The following IFI44L variants were observed in gnomAD, a reference collection of about 807,000 sequenced individuals.
The protein encoded by IFI44L is interferon induced protein 44 like.
A neutral mutation model predicts 39.3 loss-of-function variants in IFI44L; 40 were observed. That is an observed-to-expected ratio of 1.02 (90% confidence interval 0.79 to 1.33). The LOEUF is 1.33. IFI44L is among the 40% of genes most tolerant of loss of function. The pLI, the probability that IFI44L is intolerant of heterozygous loss-of-function variation, is 0.00. For synonymous variants in IFI44L, 198 were observed against 182.3 expected, an observed-to-expected ratio of 1.09 and a Z score of -0.69; for missense variants, 623 against 549.0, an observed-to-expected ratio of 1.13 and a Z score of -1.35.
Position 78,627,887 on chromosome 1 carries a change from A to ATAATTGTT in IFI44L, c.-10-17_-10-10dup, listed in dbSNP as rs1437096401. The ATAATTGTT allele has an allele frequency of 7.1e-7, 1 of 1,399,812 alleles. No homozygotes were observed. The highest frequency in any genetic ancestry group is 1.5e-5 in the African/African-American group (1 of 68,944). The allele number at this position is 1,399,812 out of a possible 1,614,324, so 86.7% of individuals were successfully genotyped here. ...CTATATTATATAAGCTTCTCAACCT[A>ATAATTGTT]TAATTGTTTTTCCATTAGATATAGA... On this transcript the variant is annotated intron_variant, in intron 1 of 8. Coordinates refer to ENST00000370751, the MANE Select transcript of IFI44L (RefSeq NM_006820.4).
At chr1:78,628,448 C>T (rs778210868) in intron 2 of IFI44L, 55 bp downstream of exon 2, 25 of 1,008,480 alleles carry the variant, frequency 2.5e-5, no homozygotes, top group Non-Finnish European at 3.4e-5. Context: ...TCCTTGTGTT[C>T]GGTAGGTAAT....
chr1:78,641,548 A>C lies in IFI44L; in HGVS notation c.1263A>C (p.Ala421=), dbSNP rs1187586974. The change falls in exon 8 of 9, where the codon GCA becomes GCC. Residue 421 remains alanine, a synonymous_variant. Coordinates refer to ENST00000370751, the MANE Select transcript of IFI44L (RefSeq NM_006820.4). The part of the protein sequence containing the change: ...DPMKDILILS[A]LRQMLRAADD... ...TGAAGGATATTCTCATCCTCTCTGC[A>C]CTGAGGCAGATGCTGCGGGCTGCAG... 3 of 1,613,762 alleles carry C rather than the reference A, an allele frequency of 1.9e-6. No individual in the cohort carries two copies. Among genetic ancestry groups the C allele is most frequent in the Non-Finnish European group, 2.5e-6 (3 of 1,179,742 alleles).
chr1:78,639,116 C>A (rs1337280801), intron 6 of IFI44L, among the ~76,000 whole-genome samples: 2 of 152,036 alleles, frequency 1.3e-5, no homozygotes, highest in Admixed American at 1.3e-4. Flanking sequence ...GGCTAAAGTT[C>A]CAGCTTCTCA....
chr1:78,622,515 C>T (rs1159326519), intron 1 of IFI44L, among the ~76,000 whole-genome samples: 1 of 152,054 alleles, frequency 6.6e-6, no homozygotes, highest in East Asian at 1.9e-4. Context: ...AAAATAGCTC[C>T]TAATTGTCCC....
In IFI44L at chr1:78,639,090, A is replaced by G. The variant is rs117221861; in HGVS notation, c.1048+1887A>G. On this transcript the variant is annotated intron_variant, in intron 6 of 8. Transcript: ENST00000370751. ...TCACAGGGGCTAGAAGCCTCCTTGC[A>G]TCGAAGGTTAATGAAGGCTAAAGTT... is the stretch of plus-strand genomic sequence containing the variant. Among the ~76,000 whole-genome samples the G allele has an allele frequency of 1.3e-3, 196 of 152,156 alleles. 3 individuals are homozygous for G. In the East Asian group the frequency reaches 0.032, roughly 24 times the overall value.
At chr1:78,636,790 T>C in intron 5 of IFI44L, 1 of 417,364 alleles carries the variant, frequency 2.4e-6, no homozygotes, top group Non-Finnish European at 4.2e-6. Flanking sequence ...CTGCAATACT[T>C]ACAATGGATA....
intron 1 of IFI44L, 98 bp from the exon 2 acceptor site, chr1:78,627,808 T>C (rs1467390780): frequency 3.5e-6 from 2 of 568,558 alleles, no homozygotes; most frequent in Non-Finnish European, 2.7e-6. Context: ...TTTAATTGAG[T>C]CAGTGAATAA....
chr1:78,624,184 C>T (rs1028075985), intron 1 of IFI44L, among the ~76,000 whole-genome samples: 2 of 151,976 alleles, frequency 1.3e-5, no homozygotes, highest in Non-Finnish European at 2.9e-5. Context: ...TTGTTAGAGA[C>T]GGGGCTTTTC....
rs1319709411 is a variant in IFI44L, at chr1:78,620,552, G to C, written c.-30G>C. ...AACAGTTAATCCTCAATTTAAGCCT[G>C]ATCTAACCCCTAGAAACAGGTAAGC... On this transcript the variant is annotated 5_prime_UTR_variant, in exon 1 of 9. Transcript: ENST00000370751. The C allele has an allele frequency of 2.0e-5, 3 of 152,144 alleles. No individual in the cohort carries two copies. The highest frequency in any genetic ancestry group is 7.2e-5 in the African/African-American group (3 of 41,418). The allele number at this position is 152,144 out of a possible 1,614,324, so 9.4% of individuals were successfully genotyped here.
chr1:78,628,416 A>G (rs1193556815), intron 2 of IFI44L, 23 bp downstream of exon 2: 24 of 1,252,430 alleles, frequency 1.9e-5, no homozygotes, highest in Non-Finnish European at 2.5e-5. Context: ...AGATAATCCT[A>G]CATCTCACAT....
chr1:78,633,296 C>T (rs1652822969), intron 4 of IFI44L, among the ~76,000 whole-genome samples: 1 of 152,130 alleles, frequency 6.6e-6, no homozygotes, highest in African/African-American at 2.4e-5. Context: ...CCTCATGGCC[C>T]CAGACTTTAG....
intron 1 of IFI44L, chr1:78,620,865 T>A (rs1486826873): frequency 6.6e-6 from 1 of 152,168 alleles, no homozygotes; most frequent in Non-Finnish European, 1.5e-5. Flanking sequence ...CTTTTCATCA[T>A]CTCCTTCCTC....
In IFI44L at chr1:78,629,762, C is replaced by G; in HGVS notation, c.570C>G (p.Pro190=). 6.2e-7 allele frequency: 1 copy of G among 1,613,692 alleles called. No homozygotes were observed. Among genetic ancestry groups the G allele is most frequent in the Non-Finnish European group, 8.5e-7 (1 of 1,179,754 alleles). ...TAGCAGACATCAGAGACTATAGGCC[C>G]TATGCAGACTTGGTTTCAGAAATTC... ...RLLADIRDYR[P]YADLVSEIRI... Residue 190 remains proline (P), a synonymous_variant, in exon 4 of 9, where the codon CCC becomes CCG. Coordinates refer to ENST00000370751, the MANE Select transcript of IFI44L (RefSeq NM_006820.4).
rs1261827792 is a variant in IFI44L at position 78,646,111 on chromosome 1, A to G, written c.*4302A>G. Reference sequence around the variant, plus strand: ...CACATTCCATGACAATATATGTCACATTTTTAAAATAAATGCAAAGAAGCA... The same window carrying G: ...CACATTCCATGACAATATATGTCACGTTTTTAAAATAAATGCAAAGAAGCA... On this transcript the variant is annotated 3_prime_UTR_variant, in exon 9 of 9. Coordinates refer to ENST00000370751, the MANE Select transcript of IFI44L (RefSeq NM_006820.4). 1 of 152,196 alleles carries G rather than the reference A, an allele frequency of 6.6e-6. No individual in the cohort carries two copies. The highest frequency in any genetic ancestry group is 1.5e-5 in the Non-Finnish European group (1 of 68,032). 9.4% of individuals were successfully genotyped at this position (152,196 alleles called of 1,614,324 possible).
In IFI44L at chr1:78,643,636, T is replaced by G. The variant is rs1371326715; in HGVS notation, c.*1827T>G. The G allele has an allele frequency of 4.4e-5, 4 of 90,774 alleles. No individual in the cohort carries two copies. The highest frequency in any genetic ancestry group is 6.5e-5 in the African/African-American group (2 of 30,800). The allele number at this position is 90,774 out of a possible 1,614,324, so 5.6% of individuals were successfully genotyped here. The stretch of plus-strand genomic sequence containing the variant: ...TGGAAGTTTTTTTTTGTTTGTTTTG[T>G]TTTTTTTTTGTTGTTGTTTTTTTTT... On this transcript the variant is annotated 3_prime_UTR_variant, in exon 9 of 9. Coordinates refer to ENST00000370751, the MANE Select transcript of IFI44L (RefSeq NM_006820.4).
In IFI44L at chr1:78,645,741, T is replaced by C. The variant is rs1292829787; in HGVS notation, c.*3932T>C. The C allele has an allele frequency of 6.6e-6, 1 of 152,206 alleles. No homozygotes were observed. The highest frequency in any genetic ancestry group is 2.4e-5 in the African/African-American group (1 of 41,462). 9.4% of individuals were successfully genotyped at this position (152,206 alleles called of 1,614,324 possible). The stretch of plus-strand genomic sequence containing the variant: ...AATTTGTGGAGGACAGTAGATTAAA[T>C]AGATCTGATTTTTGCCATCAATGTA... On this transcript the variant is annotated 3_prime_UTR_variant, in exon 9 of 9. Coordinates refer to ENST00000370751, the MANE Select transcript of IFI44L (RefSeq NM_006820.4).
intron 1 of IFI44L, among the ~76,000 whole-genome samples, chr1:78,624,038 C>T (rs1652391254): frequency 1.3e-5 from 2 of 151,824 alleles, no homozygotes; most frequent in East Asian, 3.9e-4. Flanking sequence ...GATGGAGTGT[C>T]TCTCTGTCAC....
intron 6 of IFI44L, among the ~76,000 whole-genome samples, chr1:78,640,542 A>G (rs1047287692): frequency 3.9e-5 from 6 of 152,140 alleles, no homozygotes; most frequent in African/African-American, 1.4e-4. Flanking sequence ...TTAGCATAGC[A>G]GAATTTTGAT....
intron 1 of IFI44L, among the ~76,000 whole-genome samples, chr1:78,623,396 GTTTTTTTTTTTTT>G (rs71078508): frequency 1.3e-4 from 16 of 121,326 alleles, no homozygotes; most frequent in African/African-American, 5.5e-4. Flanking sequence ...AGTGTTTTTT[GTTTTTTTTTTTTT>G]TTTTTTTTTT....
Sources: gnomAD v4.1 joint callset for allele counts (sites outside exome capture counted in the v4.1 genomes callset) on GRCh38, gnomAD v4.1.1 for gene constraint, MANE v1.5 for transcripts, NCBI Gene and HGNC (gene_info 2026-07-23, HGNC 2026-07-21) for gene names.